Variants in IPP observed in about 807,000 individuals in gnomAD.
IPP encodes intracisternal A particle-promoted polypeptide.
A neutral mutation model predicts 64.1 loss-of-function variants in IPP; 41 were observed. That is an observed-to-expected ratio of 0.64 (90% CI 0.50 to 0.83). The LOEUF (loss-of-function observed/expected upper bound fraction) is 0.83. IPP is among the 40% of genes least tolerant of loss of function. The pLI, the probability that IPP is intolerant of heterozygous loss-of-function variation, is 0.00. For synonymous variants in IPP, 214 were observed against 235.2 expected (o/e 0.91, Z 0.83); for missense variants, 649 against 703.0 (o/e 0.92, Z 0.87).
chr1:45,701,015 A>G (rs778662931), intron 8 of IPP, among the ~76,000 whole-genome samples: 17 of 152,218 alleles, frequency 1.1e-4, no homozygotes, highest in Non-Finnish European at 2.2e-4. Context: ...TCTGCAGAAC[A>G]TATTTTCAAA....
chr1:45,709,152 G>A (rs569412379), intron 8 of IPP, among the ~76,000 whole-genome samples: 60 of 150,794 alleles, frequency 4.0e-4, no homozygotes, highest in South Asian at 1.3e-3. Flanking sequence ...GAAGCTCTTT[G>A]GCTGGGTGCG....
At chr1:45,722,822 A>G (rs1264444304) in intron 5 of IPP, among the ~76,000 whole-genome samples, 1 of 152,230 alleles carries the variant, frequency 6.6e-6, no homozygotes, top group Non-Finnish European at 1.5e-5. Flanking sequence ...ATTCAGTCAT[A>G]AAAAGAAATG....
At chr1:45,713,257 A>G (rs1010380990) in intron 8 of IPP, among the ~76,000 whole-genome samples, 1 of 152,056 alleles carries the variant, frequency 6.6e-6, no homozygotes, top group African/African-American at 2.4e-5. Flanking sequence ...GCGAGACCCT[A>G]ACCATAGAAA....
At chr1:45,740,462 C>A (rs1481154072) in intron 3 of IPP, among the ~76,000 whole-genome samples, 1 of 152,038 alleles carries the variant, frequency 6.6e-6, no homozygotes, top group Non-Finnish European at 1.5e-5. Flanking sequence ...CTGAACCCCC[C>A]ATCTCCCTCC....
chr1:45,715,907 C>A (rs139686879), intron 7 of IPP, among the ~76,000 whole-genome samples: 13 of 152,246 alleles, frequency 8.5e-5, no homozygotes, highest in African/African-American at 3.1e-4. Context: ...ATAGTCTGCA[C>A]TGCATAATTT....
At chr1:45,747,411 A>C (rs1174491186) in intron 1 of IPP, among the ~76,000 whole-genome samples, 1 of 152,202 alleles carries the variant, frequency 6.6e-6, no homozygotes, top group Non-Finnish European at 1.5e-5. Context: ...CCAAGGATAC[A>C]ATGTTAGTAT....
chr1:45,711,360 AC>A (rs1282927395), intron 8 of IPP, among the ~76,000 whole-genome samples: 1 of 152,024 alleles, frequency 6.6e-6, no homozygotes, highest in Non-Finnish European at 1.5e-5. Flanking sequence ...AACAAAAAAA[AC>A]CAGACCACAA....
chr1:45,705,274 C>T (rs1381189396), intron 8 of IPP, among the ~76,000 whole-genome samples: 1 of 152,102 alleles, frequency 6.6e-6, no homozygotes, highest in African/African-American at 2.4e-5. Context: ...CTGTCCTTCA[C>T]CAAAAGGAAA....
chr1:45,726,871 C>T (rs1024055213), intron 5 of IPP, among the ~76,000 whole-genome samples: 3 of 151,718 alleles, frequency 2.0e-5, no homozygotes, highest in African/African-American at 7.3e-5. Flanking sequence ...TTACCAGCAC[C>T]CGCCACCATG....
At chr1:45,743,761 A>C (rs1314290391) in intron 2 of IPP, among the ~76,000 whole-genome samples, 1 of 152,046 alleles carries the variant, frequency 6.6e-6, no homozygotes, top group African/African-American at 2.4e-5. Context: ...CTGTAATCCC[A>C]GAACTTTAGG....
chr1:45,741,870 C>T (rs1322243298), intron 2 of IPP, among the ~76,000 whole-genome samples: 1 of 147,188 alleles, frequency 6.8e-6, no homozygotes, highest in Non-Finnish European at 1.5e-5. Flanking sequence ...CCTTGTGATC[C>T]GCCCGCCTCG....
chr1:45,719,975 G>A (rs1645710846), intron 5 of IPP, among the ~76,000 whole-genome samples: 2 of 152,152 alleles, frequency 1.3e-5, no homozygotes, highest in African/African-American at 4.8e-5. Context: ...GCCCGCCTCA[G>A]CCTCCCAAAG....
intron 8 of IPP, among the ~76,000 whole-genome samples, chr1:45,700,974 T>C (rs141057849): frequency 7.4e-4 from 113 of 152,330 alleles, no homozygotes; most frequent in African/African-American, 2.5e-3. Flanking sequence ...ATGGAATCCT[T>C]TTTACAAGGA....
Position 45,740,980 on chromosome 1 carries a change from T to A in IPP, c.645A>T (p.Arg215Ser). 1 of 1,614,002 alleles carries A rather than the reference T, an allele frequency of 6.2e-7. No homozygotes were observed. The highest frequency in any genetic ancestry group is 8.5e-7 in the Non-Finnish European group (1 of 1,179,912). ...CTAGCACTTCCACCACATGTTTTCTTCTTTTTCCCAAATCTTTCAGAATCC... is the reference window on the plus strand; with the variant it reads ...CTAGCACTTCCACCACATGTTTTCTACTTTTTCCCAAATCTTTCAGAATCC... ...MQWILKDLGK[R>S]RKHVVEVLDP... The change falls in exon 3 of 9, where the codon AGA becomes AGT. Residue 215 changes from arginine to serine, a missense_variant. Transcript: ENST00000396478.
intron 7 of IPP, 67 bp downstream of exon 7, chr1:45,716,828 A>G (rs1645665132): frequency 7.4e-7 from 1 of 1,360,162 alleles, no homozygotes; most frequent in South Asian, 1.3e-5. Flanking sequence ...TTGTGAAAAT[A>G]AGGCCTCAAA....
intron 8 of IPP, among the ~76,000 whole-genome samples, chr1:45,713,713 T>A (rs185211239): frequency 1.3e-5 from 2 of 152,138 alleles, no homozygotes; most frequent in Non-Finnish European, 2.9e-5. Flanking sequence ...CACAGGTGCA[T>A]ACCACCATGC....
chr1:45,694,786 C>T (rs1645372669), downstream of IPP: 1 of 285,842 alleles, frequency 3.5e-6, no homozygotes, highest in Non-Finnish European at 6.5e-6. Context: ...TGATTATTTT[C>T]AAAGGAAACT....
At chr1:45,728,903 G>A (rs982166959) in intron 4 of IPP, among the ~76,000 whole-genome samples, 22 of 152,016 alleles carry the variant, frequency 1.4e-4, no homozygotes, top group Middle Eastern at 3.4e-3. Context: ...CAAGGCAGGC[G>A]GATCACAAGG....
chr1:45,695,685 TTTAGATGGAGTTTCACTC>T (rs1370887333), downstream of IPP, among the ~76,000 whole-genome samples: 1 of 151,968 alleles, frequency 6.6e-6, no homozygotes, highest in Non-Finnish European at 1.5e-5. Flanking sequence ...TTTTTTTTTT[TTTAGATGGAGTTTCACTC>T]TTGTTGCCCA....
Sources: gnomAD v4.1 joint callset for allele counts (sites outside exome capture counted in the v4.1 genomes callset) on GRCh38, gnomAD v4.1.1 for gene constraint, MANE v1.5 for transcripts, NCBI Gene and HGNC (gene_info 2026-07-23, HGNC 2026-07-21) for gene names.